Variants in CNTNAP2 observed in about 807,000 individuals in gnomAD.
CNTNAP2 encodes contactin-associated protein-like 2.
A neutral mutation model predicts 155.2 loss-of-function variants in CNTNAP2; 98 were observed. That is an observed-to-expected ratio of 0.63 (90% confidence interval 0.54 to 0.75). The LOEUF is 0.75. Ranked by LOEUF, CNTNAP2 falls within the 30% of genes least tolerant of loss-of-function variation. CNTNAP2 has a pLI of 0.00. For synonymous variants in CNTNAP2, 651 were observed against 631.2 expected (o/e 1.03, Z -0.47); for missense variants, 1,727 against 1,688.1 (o/e 1.02, Z -0.40).
intron 1 of CNTNAP2, among the ~76,000 whole-genome samples, chr7:146,615,730 G>C (rs1360733844): frequency 6.6e-6 from 1 of 152,174 alleles, no homozygotes; most frequent in African/African-American, 2.4e-5. Flanking sequence ...CAGCTTTGTG[G>C]ATCAATATCC....
At chr7:147,640,899 G>A (rs115405805) in intron 13 of CNTNAP2, among the ~76,000 whole-genome samples, 4,197 of 152,204 alleles carry the variant, frequency 0.028, 193 homozygotes, top group African/African-American at 0.096. Context: ...TGGTTTGACC[G>A]GGCACGTTAT....
At chr7:146,884,161 G>A (rs1414697210) in intron 3 of CNTNAP2, among the ~76,000 whole-genome samples, 2 of 152,088 alleles carry the variant, frequency 1.3e-5, no homozygotes, top group African/African-American at 4.8e-5. Flanking sequence ...CCTGCAGTTA[G>A]CTCTGTGAAA....
At chr7:146,259,266 A>C (rs1308490744) in intron 1 of CNTNAP2, among the ~76,000 whole-genome samples, 1 of 152,226 alleles carries the variant, frequency 6.6e-6, no homozygotes, top group Non-Finnish European at 1.5e-5. Flanking sequence ...GAATTGATTA[A>C]TACAGAGAAT....
At chr7:146,721,889 A>ATATATATATATATATATATATTTTTT in intron 1 of CNTNAP2, among the ~76,000 whole-genome samples, 1 of 69,708 alleles carries the variant, frequency 1.4e-5, no homozygotes, top group African/African-American at 1.9e-4. Flanking sequence ...ATATATATAT[A>ATATATATATATATATATATATTTTTT]TTTTTTTTTT....
chr7:147,448,179 A>T (rs1797772611), intron 10 of CNTNAP2, among the ~76,000 whole-genome samples: 1 of 152,084 alleles, frequency 6.6e-6, no homozygotes, highest in Non-Finnish European at 1.5e-5. Flanking sequence ...TATTTTCCTC[A>T]TCTTCCCTCT....
intron 13 of CNTNAP2, among the ~76,000 whole-genome samples, chr7:147,705,746 A>G (rs976123723): frequency 1.3e-5 from 2 of 152,140 alleles, no homozygotes; most frequent in African/African-American, 4.8e-5. Flanking sequence ...TGTTAGGTGC[A>G]TATGTGTTTA....
At chr7:147,058,461 A>G (rs979864098) in intron 4 of CNTNAP2, among the ~76,000 whole-genome samples, 1 of 152,082 alleles carries the variant, frequency 6.6e-6, no homozygotes, top group African/African-American at 2.4e-5. Context: ...GTTTTCACGC[A>G]CTCTATTCAC....
At chr7:148,254,426 T>C (rs1456492114) in intron 20 of CNTNAP2, among the ~76,000 whole-genome samples, 1 of 152,216 alleles carries the variant, frequency 6.6e-6, no homozygotes, top group Non-Finnish European at 1.5e-5. Flanking sequence ...ATATTTGTCA[T>C]ATCTCCATCG....
chr7:147,413,390 G>A (rs1563195470), intron 10 of CNTNAP2, among the ~76,000 whole-genome samples: 1 of 152,142 alleles, frequency 6.6e-6, no homozygotes, highest in Non-Finnish European at 1.5e-5. Flanking sequence ...GTCCTGGAAA[G>A]GAAAATGAGA....
chr7:146,762,123 G>A (rs1206076065), intron 1 of CNTNAP2, among the ~76,000 whole-genome samples: 1 of 151,964 alleles, frequency 6.6e-6, no homozygotes, highest in African/African-American at 2.4e-5. Context: ...AAGTTGATTT[G>A]GATTACTTAG....
intron 3 of CNTNAP2, among the ~76,000 whole-genome samples, chr7:146,934,688 A>G (rs977203607): frequency 6.6e-6 from 1 of 152,178 alleles, no homozygotes; most frequent in African/African-American, 2.4e-5. Context: ...GGACAATGGT[A>G]TTTTTATACT....
chr7:146,470,682 G>T (rs1796784986), intron 1 of CNTNAP2, among the ~76,000 whole-genome samples: 1 of 151,994 alleles, frequency 6.6e-6, no homozygotes, highest in Non-Finnish European at 1.5e-5. Flanking sequence ...CAATGCTCCT[G>T]CCTCAGCCTC....
chr7:146,858,681 T>G (rs146901092), intron 3 of CNTNAP2, among the ~76,000 whole-genome samples: 3 of 152,212 alleles, frequency 2.0e-5, no homozygotes, highest in East Asian at 3.9e-4. Flanking sequence ...GGCAACAGAG[T>G]GAGATCCTGT....
chr7:148,414,484 T>C (rs1401347185), intron 23 of CNTNAP2, among the ~76,000 whole-genome samples: 1 of 147,802 alleles, frequency 6.8e-6, no homozygotes, highest in East Asian at 1.9e-4. Flanking sequence ...CTAATAGCTA[T>C]TGTACTGTCC....
intron 1 of CNTNAP2, among the ~76,000 whole-genome samples, chr7:146,562,224 A>T (rs539830622): frequency 1.4e-4 from 22 of 152,270 alleles, no homozygotes; most frequent in Middle Eastern, 3.4e-3. Context: ...ATACTTTTAC[A>T]TTATAATAGA....
intron 13 of CNTNAP2, among the ~76,000 whole-genome samples, chr7:147,890,789 C>A (rs1434266778): frequency 2.6e-5 from 4 of 151,908 alleles, no homozygotes; most frequent in Non-Finnish European, 5.9e-5. Flanking sequence ...TGGTGGTTAC[C>A]AGAGGCTAGG....
In CNTNAP2 at chr7:147,747,976, G is replaced by A. The variant is rs138131917; in HGVS notation, c.2098+108670G>A. 9.2e-5 allele frequency among the ~76,000 whole-genome samples: 14 copies of A among 152,340 alleles called. No individual in the cohort carries two copies. In the South Asian group the frequency reaches 2.5e-3, roughly 27 times the overall value. On this transcript the variant is annotated intron_variant, in intron 13 of 23. Coordinates refer to ENST00000361727, the MANE Select transcript of CNTNAP2 (RefSeq NM_014141.6). ...TTGCCAGTGCATTCCTAAAATGGAA[G>A]AACAGCAAGTGAGGCGTCAGCAGTC...
chr7:147,206,029 G>A (rs1016381526), intron 8 of CNTNAP2, among the ~76,000 whole-genome samples: 2 of 151,858 alleles, frequency 1.3e-5, no homozygotes, highest in African/African-American at 4.8e-5. Context: ...CAACTATTAT[G>A]TATCAGTAAT....
rs778156146 is a variant in CNTNAP2 at position 147,395,631 on chromosome 7, C to T, written c.1521C>T (p.Asn507=). The T allele has an allele frequency of 2.0e-5, 33 of 1,612,054 alleles. No homozygotes were observed. In the South Asian group the frequency reaches 3.5e-4, roughly 17 times the overall value. Residue 507 remains asparagine (N), a synonymous_variant, in exon 10 of 24, where the codon AAC becomes AAT. Coordinates refer to ENST00000361727, the MANE Select transcript of CNTNAP2 (RefSeq NM_014141.6). ...FFGGFLNQMN[N]SSHSVLQPSF... ...CAGGTTTTCTGAACCAGATGAATAACTCAAGTCACTCTGTCCTTCAGCCTT... is the reference window on the plus strand; with the variant it reads ...CAGGTTTTCTGAACCAGATGAATAATTCAAGTCACTCTGTCCTTCAGCCTT...
Sources: allele counts gnomAD v4.1 joint callset (sites outside exome capture counted in the v4.1 genomes callset), GRCh38; gene constraint gnomAD v4.1.1; transcripts MANE v1.5; gene names NCBI Gene and HGNC (gene_info 2026-07-23, HGNC 2026-07-21).